The following PCSK9 variants were observed in gnomAD, a reference collection of about 807,000 sequenced individuals.
PCSK9 encodes the protein convertase subtilisin/kexin type 9 preproprotein.
PCSK9 carries 57 observed loss-of-function variants against 62.1 expected under a neutral mutation model. That is an observed-to-expected ratio of 0.92 (90% CI 0.74 to 1.14). The LOEUF (loss-of-function observed/expected upper bound fraction) is 1.14, where lower values mean the gene tolerates loss of function less well. Among genes scored for constraint, PCSK9 ranks in the 50% most tolerant of loss-of-function variants. PCSK9 has a pLI of 0.00. For synonymous variants in PCSK9, 387 were observed against 409.4 expected (o/e 0.95, Z 0.66); for missense variants, 870 against 959.8 (o/e 0.91, Z 1.24).
In PCSK9 at chr1:55,061,368, G is replaced by GC. The variant is rs749072203; in HGVS notation, c.1682-3dup. On this transcript the variant is annotated splice_region_variant and splice_polypyrimidine_tract_variant and intron_variant, in intron 10 of 11. Coordinates refer to ENST00000302118, the MANE Select transcript of PCSK9 (RefSeq NM_174936.4). Reference sequence around the variant, plus strand: ...TTCACATCTGAGCTGGCTTTCCTCTGCCCCAGGCTGCAGCTCCCACTGGGA... The same window carrying GC: ...TTCACATCTGAGCTGGCTTTCCTCTGCCCCCAGGCTGCAGCTCCCACTGGGA... 54 of 1,603,630 alleles carry GC rather than the reference G, an allele frequency of 3.4e-5. No homozygotes were observed. Among genetic ancestry groups the GC allele is most frequent in the Non-Finnish European group, 4.5e-5 (53 of 1,176,556 alleles).
intron 1 of PCSK9, 110 bp from the exon 2 acceptor site, chr1:55,043,733 A>G (rs1230072524): frequency 3.0e-5 from 39 of 1,304,106 alleles, no homozygotes; most frequent in Non-Finnish European, 3.5e-5. Context: ...CATCTACTAT[A>G]CTCTGTTGTG....
intron 10 of PCSK9, among the ~76,000 whole-genome samples, chr1:55,060,445 A>C (rs1384403133): frequency 6.6e-6 from 1 of 152,166 alleles, no homozygotes; most frequent in Non-Finnish European, 1.5e-5. Context: ...CAGGAGAGTG[A>C]GGGTGAGAAC....
At chr1:55,049,441 C>T (rs1644658125) in intron 3 of PCSK9, among the ~76,000 whole-genome samples, 1 of 152,230 alleles carries the variant, frequency 6.6e-6, no homozygotes, top group Non-Finnish European at 1.5e-5. Context: ...TGGGCTCTCA[C>T]CTGCCAGAGG....
At chr1:55,044,131 G>C in intron 2 of PCSK9, 97 bp downstream of exon 2, 1 of 1,377,386 alleles carries the variant, frequency 7.3e-7, no homozygotes, top group Non-Finnish European at 1.0e-6. Flanking sequence ...CTGAAAATCA[G>C]AAGGGGACAG....
At chr1:55,056,385 G>T (rs1268344151) in intron 6 of PCSK9, among the ~76,000 whole-genome samples, 196 bp downstream of exon 6, 1 of 152,086 alleles carries the variant, frequency 6.6e-6, no homozygotes, top group African/African-American at 2.4e-5. Flanking sequence ...GAAGGGGCTC[G>T]AAACCTCCAT....
chr1:55,058,834 C>T (rs1037104053), intron 9 of PCSK9, among the ~76,000 whole-genome samples, 187 bp downstream of exon 9: 2 of 152,152 alleles, frequency 1.3e-5, no homozygotes, highest in African/African-American at 4.8e-5. Context: ...CTTCACGCGG[C>T]TGGGGGCTGC....
At chr1:55,054,955 A>C (rs1342634832) in intron 5 of PCSK9, among the ~76,000 whole-genome samples, 2 of 151,716 alleles carry the variant, frequency 1.3e-5, no homozygotes, top group East Asian at 3.9e-4. Flanking sequence ...CAGTGAGCCG[A>C]GATTGCGCCA....
At chr1:55,062,168 C>T (rs901995386) in intron 11 of PCSK9, among the ~76,000 whole-genome samples, 1 of 152,252 alleles carries the variant, frequency 6.6e-6, no homozygotes, top group African/African-American at 2.4e-5. Context: ...AGGCATGTGC[C>T]AAGCCCTGGA....
At chr1:55,062,217 C>A (rs962983897) in intron 11 of PCSK9, among the ~76,000 whole-genome samples, 21 of 152,264 alleles carry the variant, frequency 1.4e-4, no homozygotes, top group South Asian at 4.1e-4. Flanking sequence ...GAGTGTATAA[C>A]TCTCCTTAAA....
At position 55,043,834 on chromosome 1, in the gene PCSK9, T is replaced by C. The variant is rs371634882; in HGVS notation, c.208-9T>C. ...CCATGTCATCATGTTCCTCCTTGCA[T>C]GGGGCCAGGATCCGTGGAGGTTGCC... On this transcript the variant is annotated splice_polypyrimidine_tract_variant and intron_variant, in intron 1 of 11. Transcript: ENST00000302118. The C allele has an allele frequency of 5.6e-6, 9 of 1,613,820 alleles. No individual in the cohort carries two copies. The highest frequency in any genetic ancestry group is 5.3e-5 in the African/African-American group (4 of 74,936).
In PCSK9 at chr1:55,058,133, G is replaced by T. The variant is rs1236599922; in HGVS notation, c.1278G>T (p.Glu426Asp). The change falls in exon 8 of 12, where the codon GAG becomes GAT. Residue 426 changes from glutamate (E) to aspartate (D), a missense_variant. Transcript: ENST00000302118. ...TCTCTGCCAAAGATGTCATCAATGAGGCCTGGTTCCCTGAGGACCAGCGGG... is the reference window on the plus strand; with the variant it reads ...TCTCTGCCAAAGATGTCATCAATGATGCCTGGTTCCCTGAGGACCAGCGGG... ...IHFSAKDVIN[E>D]AWFPEDQRVL... The T allele has an allele frequency of 6.2e-7, 1 of 1,613,646 alleles. No individual in the cohort carries two copies. The highest frequency in any genetic ancestry group is 8.5e-7 in the Non-Finnish European group (1 of 1,180,028).
chr1:55,057,142 G>A (rs1644721513), intron 6 of PCSK9, among the ~76,000 whole-genome samples, 189 bp from the exon 7 acceptor site: 1 of 152,232 alleles, frequency 6.6e-6, no homozygotes, highest in African/African-American at 2.4e-5. Flanking sequence ...GGACAGAGGG[G>A]AGCACCAGGG....
intron 5 of PCSK9, 87 bp from the exon 6 acceptor site, chr1:55,055,906 T>A: frequency 1.5e-6 from 2 of 1,315,108 alleles, no homozygotes; most frequent in Non-Finnish European, 2.1e-6. Context: ...ATCCCCAAAA[T>A]TAACCATCAC....
At chr1:55,055,866 C>T in intron 5 of PCSK9, 127 bp from the exon 6 acceptor site, 1 of 946,272 alleles carries the variant, frequency 1.1e-6, no homozygotes, top group Non-Finnish European at 1.5e-6. Context: ...TTTCCACTGG[C>T]TTTTGACCAA....
At chr1:55,062,098 G>A (rs1374437530) in intron 11 of PCSK9, among the ~76,000 whole-genome samples, 1 of 152,200 alleles carries the variant, frequency 6.6e-6, no homozygotes, top group African/African-American at 2.4e-5. Context: ...TGCCTGAGCT[G>A]CATGCTGAAG....
intron 3 of PCSK9, chr1:55,051,026 G>T: frequency 2.4e-6 from 1 of 408,954 alleles, no homozygotes; most frequent in Non-Finnish European, 4.9e-6. Context: ...CACAAGCCAG[G>T]GAACACCAGC....
Position 55,046,570 on chromosome 1 carries a change from CT to C in PCSK9, c.450del (p.Phe150LeufsTer36). On this transcript the variant is annotated frameshift_variant, in exon 3 of 12. Transcript: ENST00000302118. LOFTEE classifies it high-confidence loss of function. ...VDYIEEDSSV[F>X]AQSIPWNLER... ...ACTACATCGAGGAGGACTCCTCTGTCTTTGCCCAGAGCATCCCGTGGAACCT... is the reference window on the plus strand; with the variant it reads ...ACTACATCGAGGAGGACTCCTCTGTCTTGCCCAGAGCATCCCGTGGAACCT... 6.2e-7 allele frequency: 1 copy of C among 1,614,194 alleles called. No homozygotes were observed. The highest frequency in any genetic ancestry group is 8.5e-7 in the Non-Finnish European group (1 of 1,180,038).
chr1:55,059,545 C>A lies in PCSK9; in HGVS notation c.1563C>A (p.Tyr521Ter). The A allele has an allele frequency of 6.4e-7, 1 of 1,560,848 alleles. No individual in the cohort carries two copies. Among genetic ancestry groups the A allele is most frequent in the Non-Finnish European group, 8.7e-7 (1 of 1,151,314 alleles). ...AHNAFGGEGVYAIARCCLLPQ... is the reference protein window; with the variant it reads ...AHNAFGGEGV ...ACGCTTTTGGGGGTGAGGGTGTCTA[C>A]GCCATTGCCAGGTGCTGCCTGCTAC... is the stretch of plus-strand genomic sequence containing the variant. The change falls in exon 10 of 12, where the codon TAC (tyrosine) becomes TAA (stop). Residue 521 changes from tyrosine to a stop codon, truncating the protein, a stop_gained. Transcript: ENST00000302118. LOFTEE classifies it high-confidence loss of function.
At chr1:55,052,160 G>T in intron 3 of PCSK9, 118 bp from the exon 4 acceptor site, 1 of 1,383,144 alleles carries the variant, frequency 7.2e-7, no homozygotes. Context: ...TTAAACGAGT[G>T]AATATATTTA....
Sources: gnomAD v4.1 joint callset for allele counts (sites outside exome capture counted in the v4.1 genomes callset) on GRCh38, gnomAD v4.1.1 for gene constraint, MANE v1.5 for transcripts, NCBI Gene and HGNC (gene_info 2026-07-23, HGNC 2026-07-21) for gene names.